Variants in SNTB1 observed in about 807,000 individuals in gnomAD.
SNTB1 encodes the protein beta-1-syntrophin.
In SNTB1, 36 loss-of-function variants were observed where a neutral mutation model predicts 48.9. The ratio of observed to expected loss-of-function variants is 0.74; its 90% CI spans 0.56 to 0.97. The LOEUF (loss-of-function observed/expected upper bound fraction) is 0.97. Ranked by LOEUF, SNTB1 falls within the 50% of genes least tolerant of loss-of-function variation. The probability of loss-of-function intolerance (pLI) is 0.00; values close to 1 mark genes in which losing one functional copy is unlikely to be tolerated. For missense variants in SNTB1, 786 were observed against 703.4 expected, an observed-to-expected ratio of 1.12 and a Z score of -1.33; for synonymous variants, 299 against 294.6, an observed-to-expected ratio of 1.01 and a Z score of -0.15.
chr8:120,625,041 G>T (rs544094218), intron 3 of SNTB1, among the ~76,000 whole-genome samples: 19 of 152,316 alleles, frequency 1.2e-4, no homozygotes, highest in Non-Finnish European at 2.5e-4. Context: ...TGCTGTCTGC[G>T]TGTGAACTAA....
chr8:120,674,072 A>G (rs2129794030), intron 2 of SNTB1, among the ~76,000 whole-genome samples: 1 of 152,320 alleles, frequency 6.6e-6, no homozygotes, highest in East Asian at 1.9e-4. Context: ...ATCATTGTAA[A>G]GGAGAGTTTT....
intron 4 of SNTB1, among the ~76,000 whole-genome samples, chr8:120,566,891 A>G (rs1815758826): frequency 6.6e-6 from 1 of 152,238 alleles, no homozygotes; most frequent in Non-Finnish European, 1.5e-5. Flanking sequence ...TAGCTGGAAT[A>G]AGAGGCCACC....
intron 1 of SNTB1, among the ~76,000 whole-genome samples, chr8:120,750,284 G>T (rs1352466345): frequency 6.6e-6 from 1 of 152,012 alleles, no homozygotes; most frequent in South Asian, 2.1e-4. Flanking sequence ...AGCTCAACAA[G>T]TATCTTGAAT....
intron 6 of SNTB1, among the ~76,000 whole-genome samples, chr8:120,540,078 A>G (rs1248084454): frequency 6.6e-6 from 1 of 152,226 alleles, no homozygotes; most frequent in Non-Finnish European, 1.5e-5. Flanking sequence ...GACATTAAAG[A>G]TTAGCTACTT....
intron 2 of SNTB1, among the ~76,000 whole-genome samples, chr8:120,650,174 G>A (rs568708803): frequency 1.4e-4 from 22 of 152,106 alleles, no homozygotes; most frequent in Non-Finnish European, 2.8e-4. Flanking sequence ...GTTCCTATTC[G>A]GCCATCTTGG....
At chr8:120,731,400 G>A (rs1818848123) in intron 1 of SNTB1, among the ~76,000 whole-genome samples, 1 of 152,192 alleles carries the variant, frequency 6.6e-6, no homozygotes, top group Admixed American at 6.5e-5. Flanking sequence ...TTTACTTTCA[G>A]AGAGAGTGAA....
chr8:120,563,743 C>T (rs188276970), intron 4 of SNTB1, among the ~76,000 whole-genome samples: 16 of 152,280 alleles, frequency 1.1e-4, no homozygotes, highest in Admixed American at 2.0e-4. Context: ...TTGTGCTGAA[C>T]GAAGCTCCCT....
At chr8:120,778,016 A>G (rs1019845539) in intron 1 of SNTB1, among the ~76,000 whole-genome samples, 5 of 152,230 alleles carry the variant, frequency 3.3e-5, no homozygotes, top group African/African-American at 1.2e-4. Context: ...CTGTTTTGCA[A>G]ACCACAGCTC....
intron 3 of SNTB1, among the ~76,000 whole-genome samples, chr8:120,620,297 A>G (rs371165845): frequency 6.6e-6 from 1 of 152,346 alleles, no homozygotes; most frequent in Admixed American, 6.5e-5. Flanking sequence ...AACAATTTCA[A>G]TTAAGTTGTA....
intron 1 of SNTB1, chr8:120,769,754 C>CA (rs1472955984): frequency 1.1e-4 from 17 of 152,196 alleles, no homozygotes; most frequent in African/African-American, 4.1e-4. Context: ...GGAGGTATCC[C>CA]AAAAAGAGCT....
In SNTB1 at chr8:120,618,762, G is replaced by A. The variant is rs923222522; in HGVS notation, c.996+13682C>T. Among the ~76,000 whole-genome samples, 4 of 152,176 alleles carry A rather than the reference G, an allele frequency of 2.6e-5. No homozygotes were observed. In the South Asian group the frequency reaches 8.3e-4, roughly 32 times the overall value. On this transcript the variant is annotated intron_variant, in intron 3 of 6. Coordinates refer to ENST00000517992, the MANE Select transcript of SNTB1 (RefSeq NM_021021.4). The stretch of plus-strand genomic sequence containing the variant: ...CTGGATGAAATTACCTTTCAACCCA[G>A]TTATTATTCAAGTTAAAGCCTTGAA...
At chr8:120,751,287 TA>T (rs1300771502) in intron 1 of SNTB1, among the ~76,000 whole-genome samples, 1 of 152,126 alleles carries the variant, frequency 6.6e-6, no homozygotes, top group African/African-American at 2.4e-5. Flanking sequence ...AGATGACACC[TA>T]AAAAAACTAT....
chr8:120,811,290 T>C lies in SNTB1; in HGVS notation c.554A>G (p.Lys185Arg), dbSNP rs1820426018. ...CCCCTTACCTTCCAGCAGCACTTCC[T>C]TGCCCGCGCGCTTCAACGCCTGCAC... ...EAVQALKRAG[K>R]EVLLEVKYMR... Residue 185 changes from lysine (K) to arginine (R), a missense_variant, in exon 1 of 7, where the codon AAG becomes AGG. By Grantham distance (26) the Lys-to-Arg change is conservative. Transcript: ENST00000517992. The C allele has an allele frequency of 1.9e-6, 3 of 1,603,566 alleles. No individual in the cohort carries two copies. In the African/African-American group the frequency reaches 4.0e-5, roughly 21 times the overall value.
At chr8:120,717,034 A>T (rs1034576419) in intron 1 of SNTB1, among the ~76,000 whole-genome samples, 1 of 152,192 alleles carries the variant, frequency 6.6e-6, no homozygotes, top group African/African-American at 2.4e-5. Context: ...TTAACTTGTC[A>T]CTGAATCTCT....
At chr8:120,737,325 A>C (rs910456064) in intron 1 of SNTB1, among the ~76,000 whole-genome samples, 2 of 152,152 alleles carry the variant, frequency 1.3e-5, no homozygotes, top group African/African-American at 4.8e-5. Context: ...AGCATGAAAA[A>C]ACACTTTGTC....
intron 3 of SNTB1, among the ~76,000 whole-genome samples, chr8:120,625,372 C>T (rs373863946): frequency 2.6e-5 from 4 of 152,194 alleles, no homozygotes; most frequent in African/African-American, 9.7e-5. Flanking sequence ...TACACACCCC[C>T]CTGTCTTACA....
intron 3 of SNTB1, among the ~76,000 whole-genome samples, chr8:120,606,412 T>C (rs1024142831): frequency 1.2e-3 from 21 of 17,084 alleles, no homozygotes; most frequent in Middle Eastern, 0.015. Context: ...TGTATATATG[T>C]GTGTGTGTGT....
At chr8:120,665,167 C>G (rs1817653925) in intron 2 of SNTB1, among the ~76,000 whole-genome samples, 1 of 152,040 alleles carries the variant, frequency 6.6e-6, no homozygotes, top group African/African-American at 2.4e-5. Flanking sequence ...TATATAGACT[C>G]TTGGCTGGGC....
intron 3 of SNTB1, among the ~76,000 whole-genome samples, chr8:120,580,829 A>G (rs1816035859): frequency 6.6e-6 from 1 of 152,202 alleles, no homozygotes; most frequent in South Asian, 2.1e-4. Context: ...ATGTGGCCAC[A>G]GGCACATAGG....
Sources: gnomAD v4.1 joint callset for allele counts (sites outside exome capture counted in the v4.1 genomes callset) on GRCh38, gnomAD v4.1.1 for gene constraint, MANE v1.5 for transcripts, NCBI Gene and HGNC (gene_info 2026-07-23, HGNC 2026-07-21) for gene names.